Variants in NAA11 observed in about 807,000 individuals in gnomAD.
NAA11 encodes the protein N-alpha-acetyltransferase 11.
Under a neutral mutation model 16.1 loss-of-function variants are expected in NAA11, and 15 were observed. The ratio of observed to expected loss-of-function variants is 0.93; its 90% CI spans 0.62 to 1.44. The LOEUF is 1.44. Among genes scored for constraint, NAA11 ranks in the 40% most tolerant of loss-of-function variants. The pLI is 0.00. For synonymous variants in NAA11, 122 were observed against 112.4 expected, an observed-to-expected ratio of 1.09 and a Z score of -0.54; for missense variants, 298 against 291.3, an observed-to-expected ratio of 1.02 and a Z score of -0.17.
chr4:79,186,710 G>A, the NAA11 span, among the ~76,000 whole-genome samples: 1 of 152,050 alleles, frequency 6.6e-6, no homozygotes, highest in African/African-American at 2.4e-5. Flanking sequence ...TTTGTCAAAT[G>A]GAGATAAAAT....
downstream of NAA11, among the ~76,000 whole-genome samples, chr4:79,315,500 T>C (rs987072334): frequency 6.6e-6 from 1 of 152,212 alleles, no homozygotes; most frequent in Non-Finnish European, 1.5e-5. Context: ...CGTAGTGAGC[T>C]GATCAATATC....
chr4:79,188,551 C>CTGGA, the NAA11 span, among the ~76,000 whole-genome samples: 1 of 151,176 alleles, frequency 6.6e-6, no homozygotes, highest in African/African-American at 2.4e-5. Context: ...CGCCACTGCA[C>CTGGA]TCCAGCCTGG....
intron 1 of NAA11, among the ~76,000 whole-genome samples, chr4:79,310,917 C>T: frequency 6.6e-6 from 1 of 151,976 alleles, no homozygotes; most frequent in East Asian, 1.9e-4. Context: ...CTAGTTTTGG[C>T]CAGGGTGTAT....
At chr4:79,250,478 A>G (rs898519755) in intron 2 of NAA11, among the ~76,000 whole-genome samples, 7 of 152,260 alleles carry the variant, frequency 4.6e-5, no homozygotes, top group African/African-American at 1.7e-4. Context: ...TGCAAAAATC[A>G]ACTCAAGATG....
chr4:79,267,387 A>G (rs1437542153), intron 2 of NAA11, among the ~76,000 whole-genome samples: 1 of 152,178 alleles, frequency 6.6e-6, no homozygotes, highest in Non-Finnish European at 1.5e-5. Flanking sequence ...GTACAATTCT[A>G]AAAAAGTGGA....
At chr4:79,201,556 T>C in the NAA11 span, among the ~76,000 whole-genome samples, 2 of 151,722 alleles carry the variant, frequency 1.3e-5, no homozygotes, top group Non-Finnish European at 3.0e-5. Context: ...GCTCTTTTTA[T>C]ATTAATGGTA....
chr4:79,186,823 A>G, the NAA11 span, among the ~76,000 whole-genome samples: 12,921 of 152,268 alleles, frequency 0.085, 646 homozygotes, highest in Middle Eastern at 0.15. Context: ...TGGAATGTAC[A>G]TGGCAGCACC....
chr4:79,262,116 C>A (rs1722255443), intron 2 of NAA11, among the ~76,000 whole-genome samples: 1 of 152,064 alleles, frequency 6.6e-6, no homozygotes, highest in South Asian at 2.1e-4. Context: ...AGTCTTTAAG[C>A]AATTCTAATG....
chr4:79,222,862 G>A (rs1721223439), downstream of NAA11, among the ~76,000 whole-genome samples: 1 of 152,042 alleles, frequency 6.6e-6, no homozygotes, highest in Admixed American at 6.6e-5. Context: ...CTCAAAAGAA[G>A]ACATCTATGC....
chr4:79,282,077 CT>C (rs1722805438), intron 2 of NAA11, among the ~76,000 whole-genome samples: 1 of 152,050 alleles, frequency 6.6e-6, no homozygotes, highest in Non-Finnish European at 1.5e-5. Flanking sequence ...ATTAACCAAC[CT>C]TCTAAAGATC....
In NAA11 at chr4:79,285,929, A is replaced by ATAAC. The variant is rs1215849110; in HGVS notation, c.*122+8072_*122+8075dup. On this transcript the variant is annotated intron_variant and NMD_transcript_variant, in intron 2 of 2. Transcript: ENST00000511542. ...TTTTTTTCTCCCAACAGTGTATTAT[A>ATAAC]TAACTGCCATAGGTAGTATCAAGGA... Among the ~76,000 whole-genome samples, 4 of 152,092 alleles carry ATAAC rather than the reference A, an allele frequency of 2.6e-5. No homozygotes were observed. The East Asian group carries it at 7.7e-4, about 29-fold the overall frequency.
chr4:79,263,142 C>T (rs889541511), intron 2 of NAA11, among the ~76,000 whole-genome samples: 1 of 152,054 alleles, frequency 6.6e-6, no homozygotes, highest in African/African-American at 2.4e-5. Flanking sequence ...TATTTTTATT[C>T]CTTTTGCACA....
the NAA11 span, among the ~76,000 whole-genome samples, chr4:79,207,493 G>A: frequency 6.6e-6 from 1 of 151,722 alleles, no homozygotes; most frequent in African/African-American, 2.4e-5. Context: ...CAAGCACACA[G>A]CAAGAAGTCA....
chr4:79,238,163 A>G (rs1578155949), intron 2 of NAA11, among the ~76,000 whole-genome samples: 1 of 152,216 alleles, frequency 6.6e-6, no homozygotes, highest in African/African-American at 2.4e-5. Flanking sequence ...TAGCTATTCA[A>G]TAAATGCCAG....
downstream of NAA11, among the ~76,000 whole-genome samples, chr4:79,222,813 C>A (rs1256070662): frequency 2.6e-5 from 4 of 151,832 alleles, no homozygotes; most frequent in African/African-American, 4.8e-5. Context: ...AAACAAACAA[C>A]CCCATCAAAA....
At chr4:79,322,217 T>C (rs1724111762) in intron 1 of NAA11, among the ~76,000 whole-genome samples, 1 of 152,202 alleles carries the variant, frequency 6.6e-6, no homozygotes, top group Non-Finnish European at 1.5e-5. Context: ...AAAGATTGGA[T>C]GGGGCCATTG....
At chr4:79,221,218 T>C (rs998434941), downstream of NAA11, among the ~76,000 whole-genome samples, 3 of 151,816 alleles carry the variant, frequency 2.0e-5, no homozygotes, top group African/African-American at 7.3e-5. Flanking sequence ...TTTTGTACAT[T>C]GATTTTGTAT....
At chr4:79,236,470 A>T (rs1721571728) in intron 2 of NAA11, among the ~76,000 whole-genome samples, 1 of 152,150 alleles carries the variant, frequency 6.6e-6, no homozygotes, top group African/African-American at 2.4e-5. Context: ...ATGGAAAAAA[A>T]AAGATTTTTT....
chr4:79,267,885 A>G (rs1193626256), intron 2 of NAA11, among the ~76,000 whole-genome samples: 2 of 152,096 alleles, frequency 1.3e-5, no homozygotes, highest in Non-Finnish European at 2.9e-5. Context: ...ATGTTCATAT[A>G]ACACTGCATG....
Sources: gnomAD v4.1 joint callset for allele counts (sites outside exome capture counted in the v4.1 genomes callset) on GRCh38, gnomAD v4.1.1 for gene constraint, MANE v1.5 for transcripts, NCBI Gene and HGNC (gene_info 2026-07-23, HGNC 2026-07-21) for gene names.